The following OXTR variants were observed in gnomAD, a reference collection of about 807,000 sequenced individuals.
The protein encoded by OXTR is oxytocin receptor.
In OXTR, 19 loss-of-function variants were observed where a neutral mutation model predicts 23.9. That is an observed-to-expected ratio of 0.80 (90% CI 0.56 to 1.17). The LOEUF (loss-of-function observed/expected upper bound fraction) is 1.17, where lower values mean the gene tolerates loss of function less well. Among genes scored for constraint, OXTR ranks in the 50% most tolerant of loss-of-function variants. OXTR has a pLI of 0.00. For missense variants in OXTR, 500 were observed against 550.7 expected (o/e 0.91, Z 0.92); for synonymous variants, 278 against 250.5 (o/e 1.11, Z -1.04).
intron 3 of OXTR, among the ~76,000 whole-genome samples, chr3:8,757,791 C>T (rs931072374): frequency 6.6e-6 from 1 of 152,204 alleles, no homozygotes; most frequent in Admixed American, 6.5e-5. Flanking sequence ...TGGCCTCACA[C>T]TTACGGCATT....
downstream of OXTR, among the ~76,000 whole-genome samples, chr3:8,747,880 C>A (rs1216635638): frequency 1.3e-5 from 2 of 152,208 alleles, no homozygotes; most frequent in Non-Finnish European, 2.9e-5. Context: ...GACAATGACT[C>A]CAATTTTTCA....
intron 3 of OXTR, among the ~76,000 whole-genome samples, chr3:8,754,294 G>A (rs556397783): frequency 4.2e-4 from 64 of 152,298 alleles, no homozygotes; most frequent in African/African-American, 1.5e-3. Context: ...TTCCAAGCAC[G>A]GGGATAAAAA....
At chr3:8,747,556 G>C (rs1708191406), downstream of OXTR, among the ~76,000 whole-genome samples, 1 of 152,156 alleles carries the variant, frequency 6.6e-6, no homozygotes, top group Non-Finnish European at 1.5e-5. Flanking sequence ...TTTAGCCCTT[G>C]TTTCTGCAGA....
Position 8,768,834 on chromosome 3 carries a change from G to A in OXTR, c.-238-243C>T, listed in dbSNP as rs35413809. On this transcript the variant is annotated intron_variant, in intron 1 of 3. Transcript: ENST00000316793. This position sits in a 1 kb window ranked among gnomAD's most constrained non-coding sequence, Gnocchi z 5.4. ...GAAACCCCAGCTCTGGTCCTTCCCC[G>A]TCTAACCCCCTTTTCTAAGACGGTC... 0.13 allele frequency among the ~76,000 whole-genome samples: 20,318 copies of A among 151,982 alleles called. 1,797 individuals carry two copies. Among genetic ancestry groups the A allele is most frequent in the African/African-American group, 0.26 (10,717 of 41,402 alleles).
the OXTR span, among the ~76,000 whole-genome samples, chr3:8,742,146 T>G: frequency 6.6e-6 from 1 of 152,198 alleles, no homozygotes; most frequent in South Asian, 2.1e-4. Context: ...CCGGGCCTTA[T>G]AAATATCTCC....
At chr3:8,745,995 G>T, downstream of OXTR, 1 of 711,006 alleles carries the variant, frequency 1.4e-6, no homozygotes, top group Non-Finnish European at 2.3e-6. The surrounding 1 kb of genome is among the most constrained non-coding windows in gnomAD (Gnocchi z 4.8). Context: ...CCATGATGGA[G>T]CACACGGTGT....
At chr3:8,742,133 G>A in the OXTR span, among the ~76,000 whole-genome samples, 16 of 152,252 alleles carry the variant, frequency 1.1e-4, no homozygotes, top group African/African-American at 3.9e-4. Context: ...AGAGCTGCCT[G>A]AGCCGGGCCT....
At chr3:8,760,270 C>T (rs1187800943) in intron 3 of OXTR, among the ~76,000 whole-genome samples, 1 of 152,260 alleles carries the variant, frequency 6.6e-6, no homozygotes, top group South Asian at 2.1e-4. Context: ...CCATCTGACA[C>T]TAACCCAGCA....
In OXTR at chr3:8,768,063, T is replaced by C; in HGVS notation, c.125A>G (p.Glu42Gly). The C allele has an allele frequency of 6.5e-7, 1 of 1,547,042 alleles. No homozygotes were observed. The highest frequency in any genetic ancestry group is 8.7e-7 in the Non-Finnish European group (1 of 1,148,968). ...CAGGATGAGACACAGCACCGCCACC[T>C]CCACGCGCGCCAGGGCCTCGTTGCG... Reference protein sequence around the residue: ...PRRNEALARVEVAVLCLILLL... With the variant: ...PRRNEALARVGVAVLCLILLL... Residue 42 changes from glutamate to glycine, a missense_variant, in exon 3 of 4, where the codon GAG (glutamate) becomes GGG (glycine). Transcript: ENST00000316793. This position sits in a 1 kb window ranked among gnomAD's most constrained non-coding sequence, Gnocchi z 5.4.
chr3:8,748,092 C>T (rs1708199282), downstream of OXTR, among the ~76,000 whole-genome samples: 1 of 148,214 alleles, frequency 6.7e-6, no homozygotes, highest in African/African-American at 2.6e-5. Context: ...GATGGAGTTC[C>T]ATTCCCTCTC....
chr3:8,742,411 T>C, the OXTR span: 2 of 389,202 alleles, frequency 5.1e-6, no homozygotes, highest in Admixed American at 3.2e-5. Flanking sequence ...AAAAGACACA[T>C]ACAGAAGCCA....
At chr3:8,766,433 G>T (rs1292191484) in intron 3 of OXTR, among the ~76,000 whole-genome samples, 3 of 152,146 alleles carry the variant, frequency 2.0e-5, no homozygotes, top group African/African-American at 7.2e-5. Context: ...CCCACCTTCA[G>T]CCTTGTCCTC....
intron 3 of OXTR, among the ~76,000 whole-genome samples, chr3:8,754,323 C>A (rs1307671185): frequency 1.3e-5 from 2 of 152,142 alleles, no homozygotes; most frequent in Non-Finnish European, 2.9e-5. Flanking sequence ...CTTTCAATGG[C>A]CTTAAATCTG....
chr3:8,768,219 C>G lies in OXTR; in HGVS notation c.-32G>C. The G allele has an allele frequency of 7.8e-7, 1 of 1,277,706 alleles. No homozygotes were observed. The highest frequency in any genetic ancestry group is 9.8e-7 in the Non-Finnish European group (1 of 1,018,386). 79.1% of individuals were successfully genotyped at this position (1,277,706 alleles called of 1,614,324 possible). A position where few individuals can be genotyped will look rare whatever the true frequency, so the allele number is the denominator to read the frequency against. On this transcript the variant is annotated 5_prime_UTR_variant, in exon 3 of 4. Transcript: ENST00000316793. The surrounding 1 kb of genome is among the most constrained non-coding windows in gnomAD (Gnocchi z 5.4). ...GGCGGCAGCGGTGCGCCCCGGCCTT[C>G]GAGCCCTTTACGGCTTGGCGCGGCT...
chr3:8,768,260 T>C lies in OXTR; in HGVS notation c.-73A>G. 8.0e-7 allele frequency: 1 copy of C among 1,253,884 alleles called. No individual in the cohort carries two copies. Among genetic ancestry groups the C allele is most frequent in the Non-Finnish European group, 1.0e-6 (1 of 1,004,160 alleles). The allele number at this position is 1,253,884 out of a possible 1,614,324, so 77.7% of individuals were successfully genotyped here. A position where few individuals can be genotyped will look rare whatever the true frequency, so the allele number is the denominator to read the frequency against. ...TGGCGCGGCTGGGCCGGATCCGGCG[T>C]GTCGGAGGGTGTAGGGGCGCCCGGG... On this transcript the variant is annotated 5_prime_UTR_variant, in exon 3 of 4. Coordinates refer to ENST00000316793, the MANE Select transcript of OXTR (RefSeq NM_000916.4). The surrounding 1 kb of genome is among the most constrained non-coding windows in gnomAD (Gnocchi z 5.4).
In OXTR at chr3:8,768,128, C is replaced by A. The variant is rs1474272897; in HGVS notation, c.60G>T (p.Pro20=). The part of the protein sequence containing the change: ...SAEAANASAA[P]PGAEGNRTAG... ...CGGTGCGGTTGCCCTCGGCCCCCGG[C>A]GGCGCGGCGCTGGCGTTGGCTGCCT... The change falls in exon 3 of 4, where the codon CCG becomes CCT. Residue 20 remains proline, a synonymous_variant. Coordinates refer to ENST00000316793, the MANE Select transcript of OXTR (RefSeq NM_000916.4). This position sits in a 1 kb window ranked among gnomAD's most constrained non-coding sequence, Gnocchi z 5.4. The A allele has an allele frequency of 7.4e-7, 1 of 1,355,192 alleles. No homozygotes were observed. 83.9% of individuals were successfully genotyped at this position (1,355,192 alleles called of 1,614,324 possible).
At chr3:8,742,746 GGATGGATGAAAGGATGGATGGATA>G in the OXTR span, 1 of 297,116 alleles carries the variant, frequency 3.4e-6, no homozygotes, top group African/African-American at 2.2e-5. Flanking sequence ...GTGGATGGAT[GGATGGATGAAAGGATGGATGGATA>G]GATGGATGAT....
chr3:8,767,871 T>C lies in OXTR; in HGVS notation c.317A>G (p.Tyr106Cys), dbSNP rs750576790. 6.2e-7 allele frequency: 1 copy of C among 1,613,418 alleles called. No homozygotes were observed. The highest frequency in any genetic ancestry group is 8.5e-7 in the Non-Finnish European group (1 of 1,179,744). ...QLLWDITFRFYGPDLLCRLVK... is the reference protein window; with the variant it reads ...QLLWDITFRFCGPDLLCRLVK... ...CAGGCGGCACAGCAGGTCGGGCCCG[T>C]AGAAGCGGAAGGTGATGTCCCACAG... The change falls in exon 3 of 4, where the codon TAC becomes TGC. Residue 106 changes from tyrosine (Y) to cysteine (C), a missense_variant. By Grantham distance (194) the Tyr-to-Cys change is radical. Coordinates refer to ENST00000316793, the MANE Select transcript of OXTR (RefSeq NM_000916.4).
intron 3 of OXTR, among the ~76,000 whole-genome samples, chr3:8,757,147 T>C (rs1379517661): frequency 6.6e-6 from 1 of 152,048 alleles, no homozygotes; most frequent in Admixed American, 6.6e-5. Context: ...AACTACTGCC[T>C]GAGCCTCAGT....
Sources: allele counts gnomAD v4.1 joint callset (sites outside exome capture counted in the v4.1 genomes callset), GRCh38; gene constraint gnomAD v4.1.1; non-coding constraint Gnocchi (gnomAD v3.1); transcripts MANE v1.5; gene names NCBI Gene and HGNC (gene_info 2026-07-23, HGNC 2026-07-21).